The following CHRNB4 variants were observed in gnomAD, a reference collection of about 807,000 sequenced individuals.
CHRNB4 encodes the protein cholinergic receptor nicotinic beta 4 subunit.
Under a neutral mutation model 40.4 loss-of-function variants are expected in CHRNB4, and 23 were observed. The observed-to-expected ratio is 0.57, with a 90% CI of 0.41 to 0.81. The LOEUF is 0.81. Ranked by LOEUF, CHRNB4 falls within the 30% of genes least tolerant of loss-of-function variation. The pLI is 0.00. For synonymous variants in CHRNB4, 285 were observed against 274.4 expected, an observed-to-expected ratio of 1.04 and a Z score of -0.38; for missense variants, 568 against 670.6, an observed-to-expected ratio of 0.85 and a Z score of 1.69.
At position 78,629,441 on chromosome 15, in the gene CHRNB4, G is replaced by A. The variant is rs892057626; in HGVS notation, c.864C>T (p.Thr288=). 2 of 1,614,114 alleles carry A rather than the reference G, an allele frequency of 1.2e-6. No individual in the cohort carries two copies. The highest frequency in any genetic ancestry group is 1.7e-6 in the Non-Finnish European group (2 of 1,179,982). Reference sequence around the variant, plus strand: ...TGCCGATGAGAGGCACATCGAGGGAGGTGGGTGGCACGATCTTGGAGATGA... The same window carrying A: ...TGCCGATGAGAGGCACATCGAGGGAAGTGGGTGGCACGATCTTGGAGATGA... The part of the protein sequence containing the change: ...LLLISKIVPP[T]SLDVPLIGKY... Residue 288 remains threonine (T), a synonymous_variant, in exon 5 of 6, where the codon ACC becomes ACT. Coordinates refer to ENST00000261751, the MANE Select transcript of CHRNB4 (RefSeq NM_000750.5). The surrounding 1 kb of genome is among the most constrained non-coding windows in gnomAD (Gnocchi z 6.8).
chr15:78,625,971 C>A (rs926976093), intron 5 of CHRNB4: 3 of 152,400 alleles, frequency 2.0e-5, no homozygotes, highest in Non-Finnish European at 2.9e-5. Context: ...CCTAGAGAAA[C>A]GCCTGTGTGC....
At chr15:78,658,101 G>GC (rs1467914002) in intron 2 of CHRNB4, among the ~76,000 whole-genome samples, 1 of 134,336 alleles carries the variant, frequency 7.4e-6, no homozygotes, top group Non-Finnish European at 1.5e-5. Flanking sequence ...CATGATCTCA[G>GC]CTCACTGCAA....
upstream of CHRNB4, chr15:78,641,223 T>C (rs895928912): frequency 5.7e-6 from 7 of 1,232,700 alleles, no homozygotes; most frequent in African/African-American, 9.7e-5. Flanking sequence ...GCGCCGGTCC[T>C]GGCCCCCGAG....
upstream of CHRNB4, chr15:78,641,374 T>G (rs1276629797): frequency 6.6e-6 from 3 of 453,570 alleles, no homozygotes; most frequent in Admixed American, 4.5e-5. Flanking sequence ...GGCTTCCCTA[T>G]CTCTTCGGGC....
At chr15:78,633,325 T>A (rs1388927656) in intron 2 of CHRNB4, among the ~76,000 whole-genome samples, 1 of 152,240 alleles carries the variant, frequency 6.6e-6, no homozygotes, top group African/African-American at 2.4e-5. Context: ...GTCCCTCTCA[T>A]GTTAACACTT....
intron 5 of CHRNB4, chr15:78,626,736 C>A (rs968549854): frequency 1.3e-5 from 2 of 152,236 alleles, no homozygotes; most frequent in Admixed American, 1.3e-4. Flanking sequence ...AGCCACTTCA[C>A]AGGATTCCAG....
rs750825618 is a variant in CHRNB4 at position 78,625,252 on chromosome 15, G to A, written c.1378C>T (p.Arg460Trp). The A allele has an allele frequency of 6.4e-6, 10 of 1,562,620 alleles. No individual in the cohort carries two copies. Among genetic ancestry groups the A allele is most frequent in the East Asian group, 2.3e-5 (1 of 44,410 alleles). ...DWKYVAMVVD[R>W]LFLWVFMFVC... The stretch of plus-strand genomic sequence containing the variant: ...AACATGAACACCCACAGGAACAGCC[G>A]GTCCACCACCATAGCCACGTACTTC... Residue 460 changes from arginine to tryptophan, a missense_variant, in exon 6 of 6, where the codon CGG (arginine) becomes TGG (tryptophan). Around this residue, in one of 4 missense-constraint regions of CHRNB4, gnomAD observed 242 missense variants for 274.9 expected, o/e 0.88. Transcript: ENST00000261751.
chr15:78,643,711 A>G (rs1025209788), upstream of CHRNB4, among the ~76,000 whole-genome samples: 9 of 152,216 alleles, frequency 5.9e-5, no homozygotes, highest in Admixed American at 4.6e-4. Flanking sequence ...ATGATTGTCT[A>G]TGCAGAAAAT....
chr15:78,632,266 TCTTTCTTTCTTTCTCC>T (rs2053847948), intron 2 of CHRNB4, among the ~76,000 whole-genome samples: 1 of 111,206 alleles, frequency 9.0e-6, no homozygotes, highest in African/African-American at 3.3e-5. Context: ...TTTCTTTCTT[TCTTTCTTTCTTTCTCC>T]CTTTCTTTCT....
chr15:78,646,515 C>T (rs1473214167), intron 7 of CHRNB4, among the ~76,000 whole-genome samples: 4 of 152,158 alleles, frequency 2.6e-5, no homozygotes, highest in South Asian at 4.1e-4. Context: ...AAACAACACA[C>T]GTTGATTTCT....
chr15:78,651,688 T>C (rs1299865744), intron 6 of CHRNB4, among the ~76,000 whole-genome samples: 1 of 152,184 alleles, frequency 6.6e-6, no homozygotes, highest in East Asian at 1.9e-4. Flanking sequence ...CTCACATGGT[T>C]CTGTTTCTTC....
upstream of CHRNB4, chr15:78,661,258 C>T (rs1362206425): frequency 8.3e-6 from 5 of 603,730 alleles, no homozygotes; most frequent in Admixed American, 1.9e-5. Context: ...GATCTTGCCC[C>T]CTGCCCCGCC....
upstream of CHRNB4, chr15:78,661,150 C>T: frequency 1.6e-6 from 1 of 622,184 alleles, no homozygotes. Context: ...TGGGGCCTTG[C>T]CGAAATGCCG....
upstream of CHRNB4, among the ~76,000 whole-genome samples, chr15:78,644,790 T>G (rs982548377): frequency 6.6e-6 from 1 of 152,194 alleles, no homozygotes; most frequent in South Asian, 2.1e-4. Flanking sequence ...TTTTGTGAAC[T>G]TGACAGGCTG....
At chr15:78,657,961 G>T (rs1408295676) in intron 2 of CHRNB4, among the ~76,000 whole-genome samples, 1 of 151,806 alleles carries the variant, frequency 6.6e-6, no homozygotes, top group African/African-American at 2.4e-5. Context: ...CAGGGAAGAG[G>T]GTGGGGCACT....
intron 2 of CHRNB4, among the ~76,000 whole-genome samples, chr15:78,635,084 A>G (rs569911352): frequency 5.8e-4 from 89 of 152,242 alleles, no homozygotes; most frequent in African/African-American, 1.9e-3. Flanking sequence ...GAAGCATGTA[A>G]GGTTATCTGA....
intron 2 of CHRNB4, among the ~76,000 whole-genome samples, chr15:78,632,213 C>CTTTCTT (rs1296218248): frequency 5.8e-5 from 5 of 85,596 alleles, no homozygotes; most frequent in African/African-American, 4.1e-4. Context: ...TTCTTTCTTT[C>CTTTCTT]TCTTTCTCTC....
At chr15:78,656,992 G>T (rs546664067) in intron 3 of CHRNB4, among the ~76,000 whole-genome samples, 2 of 151,954 alleles carry the variant, frequency 1.3e-5, no homozygotes, top group East Asian at 3.9e-4. Context: ...AGCTTCTCTA[G>T]AATGAAACTC....
chr15:78,650,955 G>C (rs552757131), intron 6 of CHRNB4, among the ~76,000 whole-genome samples: 1 of 152,244 alleles, frequency 6.6e-6, no homozygotes, highest in East Asian at 1.9e-4. Flanking sequence ...TTCATAGGGC[G>C]TAAGTGCAGA....
Sources: allele counts gnomAD v4.1 joint callset (sites outside exome capture counted in the v4.1 genomes callset), GRCh38; gene constraint gnomAD v4.1.1; regional missense constraint gnomAD v4.1.1; non-coding constraint Gnocchi (gnomAD v3.1); transcripts MANE v1.5; gene names NCBI Gene and HGNC (gene_info 2026-07-23, HGNC 2026-07-21).